Variants in CELF2 observed in about 807,000 individuals in gnomAD.
The protein encoded by CELF2 is CUG triplet repeat RNA-binding protein 2.
In CELF2, 8 loss-of-function variants were observed where a neutral mutation model predicts 62.6. The observed-to-expected ratio is 0.13, with a 90% CI of 0.07 to 0.23. The LOEUF (loss-of-function observed/expected upper bound fraction) is 0.23. Ranked by LOEUF, CELF2 falls within the 10% of genes least tolerant of loss-of-function variation. The pLI, the probability that CELF2 is intolerant of heterozygous loss-of-function variation, is 1.00. For synonymous variants in CELF2, 258 were observed against 250.0 expected, an observed-to-expected ratio of 1.03 and a Z score of -0.30; for missense variants, 333 against 671.0, an observed-to-expected ratio of 0.50 and a Z score of 5.56.
the CELF2 span, among the ~76,000 whole-genome samples, chr10:10,505,167 G>C: frequency 6.6e-6 from 1 of 151,982 alleles, no homozygotes; most frequent in Admixed American, 6.6e-5. Context: ...CACAACTTTG[G>C]TTTCACTGGC....
chr10:10,530,703 C>A, the CELF2 span, among the ~76,000 whole-genome samples: 1 of 152,198 alleles, frequency 6.6e-6, no homozygotes, highest in Non-Finnish European at 1.5e-5. Flanking sequence ...GTATTGATAC[C>A]TGGTTACCTA....
intron 7 of CELF2, among the ~76,000 whole-genome samples, chr10:11,273,725 T>TG (rs1390147756): frequency 2.1e-5 from 3 of 144,434 alleles, no homozygotes; most frequent in Non-Finnish European, 3.0e-5. Flanking sequence ...GTTTTTTTGT[T>TG]TTTTTGTTTT....
rs1345798214 is a variant in CELF2, at chr10:11,273,048, C to T, written c.778-2009C>T. On this transcript the variant is annotated intron_variant, in intron 7 of 12. Transcript: ENST00000633077. ...CCTAGCTTTCCCACCCCCTCTTCCC[C>T]GCTCTCTTCCTCTTTCTGTGTGCGT... 3.3e-5 allele frequency among the ~76,000 whole-genome samples: 5 copies of T among 152,306 alleles called. No individual in the cohort carries two copies. The East Asian group carries it at 7.7e-4, about 24-fold the overall frequency.
intron 1 of CELF2, among the ~76,000 whole-genome samples, chr10:10,803,334 T>C (rs2054861785): frequency 6.6e-6 from 1 of 152,172 alleles, no homozygotes; most frequent in African/African-American, 2.4e-5. Flanking sequence ...CTTATGAACC[T>C]CTCTGCCTAA....
intron 1 of CELF2, 28 bp downstream of exon 1, chr10:11,018,191 G>C (rs1345505578): frequency 1.3e-6 from 2 of 1,501,136 alleles, no homozygotes; most frequent in Admixed American, 2.1e-5. Context: ...CCGAGGCCGG[G>C]CGAGCGGGCG....
Position 11,319,956 on chromosome 10 carries a change from T to A in CELF2, c.1097-1233T>A. 1 of 457,310 alleles carries A rather than the reference T, an allele frequency of 2.2e-6. No homozygotes were observed. Among genetic ancestry groups the A allele is most frequent in the Non-Finnish European group, 4.5e-6 (1 of 221,426 alleles). 28.3% of individuals were successfully genotyped at this position (457,310 alleles called of 1,614,324 possible). On this transcript the variant is annotated intron_variant, in intron 10 of 12. Coordinates refer to ENST00000633077, the MANE Select transcript of CELF2 (RefSeq NM_001326342.2). The surrounding 1 kb of genome is among the most constrained non-coding windows in gnomAD (Gnocchi z 4.4). ...TGTTTCCAGGCAGCCTTACCTTAGC[T>A]GTCCTCCATTCTCATTAGACTTCTT...
chr10:11,225,213 C>T (rs905617206), intron 3 of CELF2, among the ~76,000 whole-genome samples: 2 of 152,136 alleles, frequency 1.3e-5, no homozygotes, highest in Non-Finnish European at 2.9e-5. Context: ...GTGTGGAGAT[C>T]GCAGAAAGGG....
rs1589698026 is a variant in CELF2, at chr10:11,242,795, T to G, written c.355-6358T>G. Among the ~76,000 whole-genome samples, 1 of 151,838 alleles carries G rather than the reference T, an allele frequency of 6.6e-6. No homozygotes were observed. Among genetic ancestry groups the G allele is most frequent in the African/African-American group, 2.4e-5 (1 of 41,318 alleles). The stretch of plus-strand genomic sequence containing the variant: ...TCAGCTCTGGGACCCTGTGTGTGTG[T>G]AGGGAGGGAGAAGAGGTGGGAGGAC... On this transcript the variant is annotated intron_variant, in intron 3 of 12. Coordinates refer to ENST00000633077, the MANE Select transcript of CELF2 (RefSeq NM_001326342.2). This position sits in a 1 kb window ranked among gnomAD's most constrained non-coding sequence, Gnocchi z 4.8.
At chr10:11,148,429 C>T (rs1384414868) in intron 1 of CELF2, among the ~76,000 whole-genome samples, 2 of 152,128 alleles carry the variant, frequency 1.3e-5, no homozygotes, top group Admixed American at 6.5e-5. Context: ...GCTTTTTTCT[C>T]CTATCTTTAA....
chr10:10,707,851 C>T, the CELF2 span, among the ~76,000 whole-genome samples: 2 of 152,102 alleles, frequency 1.3e-5, no homozygotes, highest in East Asian at 1.9e-4. Context: ...TCTAAATTCA[C>T]CCTTTGCTAA....
At chr10:10,587,316 C>A in the CELF2 span, among the ~76,000 whole-genome samples, 1 of 152,116 alleles carries the variant, frequency 6.6e-6, no homozygotes, top group South Asian at 2.1e-4. Flanking sequence ...TGATAACCAA[C>A]CTGCTTCACT....
intron 1 of CELF2, among the ~76,000 whole-genome samples, chr10:11,158,011 T>C (rs1219957955): frequency 6.6e-6 from 1 of 152,218 alleles, no homozygotes; most frequent in African/African-American, 2.4e-5. Flanking sequence ...GTGGGGGACA[T>C]TGTGTTAAAA....
rs550195679 is a variant in CELF2, at chr10:11,239,649, A to G, written c.355-9504A>G. Among the ~76,000 whole-genome samples the G allele has an allele frequency of 2.0e-5, 3 of 152,304 alleles. No homozygotes were observed. In the East Asian group the frequency reaches 5.8e-4, roughly 29 times the overall value. Reference sequence around the variant, plus strand: ...GTAGTTTTTTTCCCCTGGTTGGGAGAAGGGGATATGAGATAAGGATCACTT... The same window carrying G: ...GTAGTTTTTTTCCCCTGGTTGGGAGGAGGGGATATGAGATAAGGATCACTT... On this transcript the variant is annotated intron_variant, in intron 3 of 12. Transcript: ENST00000633077.
At chr10:10,839,740 A>T (rs1309735053) in intron 1 of CELF2, among the ~76,000 whole-genome samples, 5 of 152,144 alleles carry the variant, frequency 3.3e-5, no homozygotes, top group Non-Finnish European at 7.3e-5. Context: ...AATTTGCACA[A>T]ATTAAGTTTC....
intron 1 of CELF2, among the ~76,000 whole-genome samples, chr10:11,054,149 G>C (rs553689890): frequency 6.6e-6 from 1 of 152,264 alleles, no homozygotes; most frequent in South Asian, 2.1e-4. Context: ...AGAGTAAAAA[G>C]CCTGGCATAT....
the CELF2 span, among the ~76,000 whole-genome samples, chr10:10,544,418 G>A: frequency 6.6e-6 from 1 of 152,238 alleles, no homozygotes; most frequent in Non-Finnish European, 1.5e-5. Context: ...TTACTACTTA[G>A]AGAAGTGACT....
chr10:10,963,203 G>C (rs569047718), intron 2 of CELF2, among the ~76,000 whole-genome samples: 1 of 151,926 alleles, frequency 6.6e-6, no homozygotes, highest in Non-Finnish European at 1.5e-5. Flanking sequence ...ACAGGCACAC[G>C]CCACCACGTT....
At position 11,314,780 on chromosome 10, in the gene CELF2, C is replaced by T. The variant is rs1049520804; in HGVS notation, c.1096+522C>T. 2 of 189,074 alleles carry T rather than the reference C, an allele frequency of 1.1e-5. No individual in the cohort carries two copies. The highest frequency in any genetic ancestry group is 2.2e-5 in the Non-Finnish European group (2 of 91,192). The allele number at this position is 189,074 out of a possible 1,614,324, so 11.7% of individuals were successfully genotyped here. On this transcript the variant is annotated intron_variant, in intron 10 of 12. Transcript: ENST00000633077. This position sits in a 1 kb window ranked among gnomAD's most constrained non-coding sequence, Gnocchi z 5.3. ...AGCTCCAAAGTCTAAAGATTCATGA[C>T]AATTAAATAGGGGAGAAAATTAGGC... is the stretch of plus-strand genomic sequence containing the variant.
chr10:10,794,770 T>C (rs1367292880), upstream of CELF2: 3 of 152,194 alleles, frequency 2.0e-5, no homozygotes, highest in African/African-American at 7.2e-5. Flanking sequence ...TCTGCTGAAA[T>C]AAGATGAGCT....
Sources: allele counts gnomAD v4.1 joint callset (sites outside exome capture counted in the v4.1 genomes callset), GRCh38; gene constraint gnomAD v4.1.1; non-coding constraint Gnocchi (gnomAD v3.1); transcripts MANE v1.5; gene names NCBI Gene and HGNC (gene_info 2026-07-23, HGNC 2026-07-21).